Variants in KDM4C observed in about 807,000 individuals in gnomAD.
The protein encoded by KDM4C is lysine-specific demethylase 4C.
In KDM4C, 81 loss-of-function variants were observed where a neutral mutation model predicts 129.3. The ratio of observed to expected loss-of-function variants is 0.63; its 90% confidence interval spans 0.52 to 0.75. KDM4C has a LOEUF of 0.75. KDM4C is among the 30% of genes least tolerant of loss of function. The probability of loss-of-function intolerance (pLI) is 0.00; values close to 1 mark genes in which losing one functional copy is unlikely to be tolerated. For synonymous variants in KDM4C, 573 were observed against 456.1 expected (o/e 1.26, Z -3.26); for missense variants, 1,457 against 1,304.0 (o/e 1.12, Z -1.81).
rs184831509 is a variant in KDM4C at position 6,987,455 on chromosome 9, G to A, written c.1677+789G>A. Among the ~76,000 whole-genome samples the A allele has an allele frequency of 2.7e-4, 41 of 152,302 alleles. 1 individual carries two copies. In the East Asian group the frequency reaches 7.5e-3, roughly 28 times the overall value. On this transcript the variant is annotated intron_variant, in intron 11 of 21. Transcript: ENST00000381309. ...CAGGGGAGCTAGGACTGTCTGTAGC[G>A]ATTGTCAGAATTCAGTACTTTTTTT...
intron 4 of KDM4C, among the ~76,000 whole-genome samples, chr9:6,837,566 G>T (rs1022012931): frequency 6.6e-6 from 1 of 152,118 alleles, no homozygotes; most frequent in African/African-American, 2.4e-5. Context: ...TGTAAAATAT[G>T]TTATGTGAAT....
At chr9:7,037,034 C>T (rs770218618) in intron 15 of KDM4C, among the ~76,000 whole-genome samples, 2 of 152,160 alleles carry the variant, frequency 1.3e-5, no homozygotes, top group African/African-American at 2.4e-5. Context: ...CTCTGTCCTT[C>T]GGTGAGAGAT....
At chr9:6,965,352 T>G (rs200242667) in intron 8 of KDM4C, among the ~76,000 whole-genome samples, 7 of 151,828 alleles carry the variant, frequency 4.6e-5, no homozygotes, top group East Asian at 1.9e-4. Context: ...AATTTATATA[T>G]AGAGAGATAT....
intron 8 of KDM4C, among the ~76,000 whole-genome samples, chr9:6,943,690 G>A (rs572150759): frequency 1.5e-4 from 23 of 148,582 alleles, no homozygotes; most frequent in African/African-American, 5.1e-4. Context: ...AAAAAAAAAA[G>A]GTTGCACAAA....
chr9:6,798,053 A>G (rs1828084105), intron 2 of KDM4C, among the ~76,000 whole-genome samples: 1 of 152,220 alleles, frequency 6.6e-6, no homozygotes. Flanking sequence ...ATTTCAAATT[A>G]TAGTTAAAAT....
chr9:6,845,530 A>C (rs1188166676), intron 4 of KDM4C, among the ~76,000 whole-genome samples: 1 of 152,106 alleles, frequency 6.6e-6, no homozygotes, highest in Non-Finnish European at 1.5e-5. Context: ...GTGCTTTTAA[A>C]CTGCTGTCTG....
At chr9:7,104,539 T>A (rs1249003395) in intron 18 of KDM4C, among the ~76,000 whole-genome samples, 1 of 152,202 alleles carries the variant, frequency 6.6e-6, no homozygotes, top group African/African-American at 2.4e-5. Flanking sequence ...TAATATGAAT[T>A]TAGCCATATT....
At chr9:7,107,184 A>G (rs1180094472) in intron 18 of KDM4C, among the ~76,000 whole-genome samples, 1 of 152,180 alleles carries the variant, frequency 6.6e-6, no homozygotes, top group Non-Finnish European at 1.5e-5. Flanking sequence ...CTGTGCCATG[A>G]TTCATTATAA....
In KDM4C at chr9:6,943,730, G is replaced by C. The variant is rs540135574; in HGVS notation, c.922-37195G>C. ...TATCTGCCCCAGTGGAAACACTTTA[G>C]TCTGCTGCTATAGAATACTTTACTG... On this transcript the variant is annotated intron_variant, in intron 8 of 21. Transcript: ENST00000381309. Among the ~76,000 whole-genome samples, 85 of 152,234 alleles carry C rather than the reference G, an allele frequency of 5.6e-4. 1 individual carries two copies. The highest frequency in any genetic ancestry group is 2.0e-3 in the African/African-American group (83 of 41,508).
At chr9:7,077,322 G>A (rs755023019) in intron 17 of KDM4C, 11 of 690,950 alleles carry the variant, frequency 1.6e-5, no homozygotes, top group Admixed American at 1.3e-4. Flanking sequence ...ACATATAGTT[G>A]TCATCCTATG....
intron 18 of KDM4C, among the ~76,000 whole-genome samples, chr9:7,110,396 A>G (rs1838186320): frequency 6.6e-6 from 1 of 152,194 alleles, no homozygotes; most frequent in Admixed American, 6.5e-5. Flanking sequence ...GATATATCCA[A>G]TTCTCCTGGC....
intron 8 of KDM4C, among the ~76,000 whole-genome samples, chr9:6,957,963 A>C (rs564376241): frequency 6.6e-6 from 1 of 152,212 alleles, no homozygotes; most frequent in East Asian, 1.9e-4. Flanking sequence ...TTTGAGGGCC[A>C]TGGAGAAGTT....
In KDM4C at chr9:6,852,492, G is replaced by T. The variant is rs141550501; in HGVS notation, c.629+2792G>T. Among the ~76,000 whole-genome samples the T allele has an allele frequency of 7.5e-3, 1,135 of 152,258 alleles. 9 individuals carry two copies. The highest frequency in any genetic ancestry group is 0.012 in the Non-Finnish European group (838 of 68,016). On this transcript the variant is annotated intron_variant, in intron 5 of 21. Transcript: ENST00000381309. ...TCAGAGTCACAGGAATATTTTTATTGAGTTGACAAAACGAGAGGATGAAGG... is the reference window on the plus strand; with the variant it reads ...TCAGAGTCACAGGAATATTTTTATTTAGTTGACAAAACGAGAGGATGAAGG...
intron 4 of KDM4C, among the ~76,000 whole-genome samples, chr9:6,817,924 G>A (rs956849629): frequency 3.3e-5 from 5 of 151,872 alleles, no homozygotes; most frequent in Admixed American, 2.6e-4. Flanking sequence ...GTGACACCAT[G>A]CCCAGCGAAT....
At chr9:6,839,428 T>C (rs978567087) in intron 4 of KDM4C, among the ~76,000 whole-genome samples, 20 of 141,102 alleles carry the variant, frequency 1.4e-4, no homozygotes, top group African/African-American at 5.1e-4. Context: ...CTGGTAGAGA[T>C]AGGGTCCCAC....
intron 1 of KDM4C, chr9:6,727,466 TA>T: frequency 7.0e-6 from 1 of 143,138 alleles, no homozygotes; most frequent in Non-Finnish European, 1.5e-5. Context: ...AATAAATAAA[TA>T]AAAGGAAAGG....
At chr9:6,939,804 G>C (rs76470413) in intron 8 of KDM4C, among the ~76,000 whole-genome samples, 2 of 152,080 alleles carry the variant, frequency 1.3e-5, no homozygotes, top group Non-Finnish European at 2.9e-5. Context: ...AAGTGATTCC[G>C]TCCCTCTCTT....
intron 6 of KDM4C, among the ~76,000 whole-genome samples, chr9:6,882,257 A>T (rs535498023): frequency 6.6e-6 from 1 of 152,294 alleles, no homozygotes; most frequent in East Asian, 1.9e-4. Context: ...CATTCTTTCT[A>T]ATTTTTGGTT....
At position 7,108,849 on chromosome 9, in the gene KDM4C, T is replaced by C. The variant is rs542964097; in HGVS notation, c.2610+4979T>C. 5.3e-5 allele frequency among the ~76,000 whole-genome samples: 8 copies of C among 152,210 alleles called. No individual in the cohort carries two copies. In the South Asian group the frequency reaches 1.2e-3, roughly 24 times the overall value. On this transcript the variant is annotated intron_variant, in intron 18 of 21. Coordinates refer to ENST00000381309, the MANE Select transcript of KDM4C (RefSeq NM_015061.6). ...TAGAATAGTAGTTCTTATCCTGTAT[T>C]GTATTGTATAGCATATTATTCTTTT...
Sources: allele counts gnomAD v4.1 joint callset (sites outside exome capture counted in the v4.1 genomes callset), GRCh38; gene constraint gnomAD v4.1.1; transcripts MANE v1.5; gene names NCBI Gene and HGNC (gene_info 2026-07-23, HGNC 2026-07-21).